Variants in DNAJC15 observed in about 807,000 individuals in gnomAD.
DNAJC15 encodes dnaJ homolog subfamily C member 15.
A neutral mutation model predicts 22.4 loss-of-function variants in DNAJC15; 27 were observed. That is an observed-to-expected ratio of 1.20 (90% CI 0.89 to 1.66). DNAJC15 has a LOEUF of 1.66. DNAJC15 is among the 40% of genes most tolerant of loss of function. DNAJC15 has a pLI of 0.00. For missense variants in DNAJC15, 208 were observed against 187.1 expected (o/e 1.11, Z -0.65); for synonymous variants, 79 against 63.2 (o/e 1.25, Z -1.19).
intron 5 of DNAJC15, among the ~76,000 whole-genome samples, chr13:43,093,326 C>T (rs190377261): frequency 2.2e-4 from 34 of 151,902 alleles, no homozygotes; most frequent in Non-Finnish European, 3.1e-4. Context: ...TGTCTCAGAC[C>T]GAAAAAGACT....
In DNAJC15 at chr13:43,108,440, T is replaced by G. The variant is rs371692424; in HGVS notation, c.*1192T>G. 1 of 152,216 alleles carries G rather than the reference T, an allele frequency of 6.6e-6. No individual in the cohort carries two copies. Among genetic ancestry groups the G allele is most frequent in the Non-Finnish European group, 1.5e-5 (1 of 68,022 alleles). The allele number at this position is 152,216 out of a possible 1,614,324, so 9.4% of individuals were successfully genotyped here. On this transcript the variant is annotated 3_prime_UTR_variant, in exon 6 of 6. Coordinates refer to ENST00000379221, the MANE Select transcript of DNAJC15 (RefSeq NM_013238.3). ...CTATTCCAAAGGTGAGAGAACAGAT[T>G]CAGATAGAGTGCCAGCATTGTTTCC...
intron 1 of DNAJC15, among the ~76,000 whole-genome samples, chr13:43,043,347 G>C (rs906428659): frequency 1.3e-5 from 2 of 152,096 alleles, no homozygotes; most frequent in African/African-American, 4.8e-5. Context: ...ACTCTCAGTT[G>C]ATCTACCCGC....
chr13:43,079,190 A>G (rs902913578), intron 4 of DNAJC15, among the ~76,000 whole-genome samples: 4 of 152,162 alleles, frequency 2.6e-5, no homozygotes, highest in African/African-American at 9.7e-5. Context: ...ATATCATTTA[A>G]CATTTAATGT....
chr13:43,046,401 A>G (rs1273636495), intron 1 of DNAJC15, among the ~76,000 whole-genome samples: 8 of 146,732 alleles, frequency 5.5e-5, no homozygotes, highest in African/African-American at 2.0e-4. Flanking sequence ...GGTGGTGGTG[A>G]GAGACAGGAC....
intron 1 of DNAJC15, among the ~76,000 whole-genome samples, chr13:43,062,463 A>T (rs1298702185): frequency 1.3e-5 from 2 of 152,242 alleles, no homozygotes; most frequent in African/African-American, 4.8e-5. Context: ...AAAACTAGAA[A>T]ATGGGTCTAG....
At chr13:43,038,151 C>G (rs893011543) in intron 1 of DNAJC15, among the ~76,000 whole-genome samples, 3 of 151,996 alleles carry the variant, frequency 2.0e-5, no homozygotes, top group African/African-American at 7.2e-5. Flanking sequence ...TTATTTTCTT[C>G]GGATAAATTT....
chr13:43,055,484 C>G (rs2040526118), intron 1 of DNAJC15, among the ~76,000 whole-genome samples: 1 of 152,168 alleles, frequency 6.6e-6, no homozygotes, highest in South Asian at 2.1e-4. Context: ...AAACTCAAGT[C>G]TGTGTGTGTA....
At chr13:43,106,732 A>G (rs1220576177) in intron 5 of DNAJC15, among the ~76,000 whole-genome samples, 1 of 151,936 alleles carries the variant, frequency 6.6e-6, no homozygotes, top group Non-Finnish European at 1.5e-5. Context: ...TTAATACTTT[A>G]AAAGACCCCT....
chr13:43,040,285 C>A (rs777448364), intron 1 of DNAJC15, among the ~76,000 whole-genome samples: 1 of 152,174 alleles, frequency 6.6e-6, no homozygotes, highest in Non-Finnish European at 1.5e-5. Context: ...CTAACAAATT[C>A]GTTTCAAATG....
intron 3 of DNAJC15, among the ~76,000 whole-genome samples, chr13:43,077,579 T>G (rs1593323957): frequency 6.6e-6 from 1 of 152,150 alleles, no homozygotes; most frequent in Non-Finnish European, 1.5e-5. Flanking sequence ...CTATCCCATG[T>G]CAACCAGTCA....
chr13:43,042,206 A>G (rs1439985292), intron 1 of DNAJC15, among the ~76,000 whole-genome samples: 2 of 152,186 alleles, frequency 1.3e-5, no homozygotes, highest in East Asian at 1.9e-4. Flanking sequence ...ATACATAATT[A>G]TGATAAAGTT....
In DNAJC15 at chr13:43,107,223, T is replaced by A; in HGVS notation, c.428T>A (p.Leu143Ter). 1 of 1,594,018 alleles carries A rather than the reference T, an allele frequency of 6.3e-7. No individual in the cohort carries two copies. The highest frequency in any genetic ancestry group is 8.5e-7 in the Non-Finnish European group (1 of 1,171,878). The change falls in exon 6 of 6, where the codon TTG (leucine) becomes TAG (stop). Residue 143 changes from leucine (L) to a stop codon, truncating the protein, a stop_gained. Transcript: ENST00000379221. LOFTEE classifies it high-confidence loss of function. ...GCCAAAATAAATGAAGCAAAAGACT[T>A]GCTAGAAACAACCACCAAACATTGA... is the stretch of plus-strand genomic sequence containing the variant. ...VAAKINEAKD[L>*]LETTTKH is the part of the protein sequence containing the mutation.
At chr13:43,092,858 G>A (rs1438138884) in intron 5 of DNAJC15, among the ~76,000 whole-genome samples, 2 of 152,164 alleles carry the variant, frequency 1.3e-5, no homozygotes, top group Non-Finnish European at 2.9e-5. Context: ...AGGCTACGGT[G>A]AGCTATGATC....
intron 5 of DNAJC15, among the ~76,000 whole-genome samples, chr13:43,100,775 T>G (rs9594885): frequency 0.25 from 37,385 of 152,110 alleles, 4,947 homozygotes; most frequent in Non-Finnish European, 0.31. Context: ...TATGTGTTAG[T>G]TCTTGTTAGT....
At chr13:43,041,246 A>G (rs1382758288) in intron 1 of DNAJC15, among the ~76,000 whole-genome samples, 1 of 152,164 alleles carries the variant, frequency 6.6e-6, no homozygotes, top group Non-Finnish European at 1.5e-5. Flanking sequence ...GGGAGTGGTG[A>G]TGACTCTTAA....
chr13:43,066,338 CAG>C (rs967632539), intron 2 of DNAJC15, among the ~76,000 whole-genome samples: 2 of 152,004 alleles, frequency 1.3e-5, no homozygotes, highest in Admixed American at 6.5e-5. Context: ...TCCTGGCCTA[CAG>C]AGTTTGCCTT....
chr13:43,063,266 T>C (rs1243297435), intron 1 of DNAJC15, among the ~76,000 whole-genome samples: 1 of 152,250 alleles, frequency 6.6e-6, no homozygotes, highest in Non-Finnish European at 1.5e-5. Flanking sequence ...CGTCTTGGCC[T>C]CCCAAAGTGT....
In DNAJC15 at chr13:43,023,818, C is replaced by T; in HGVS notation, c.108+84C>T. On this transcript the variant is annotated intron_variant, in intron 1 of 5. Transcript: ENST00000379221. ...CCCCTCTACCGCCTCACCCTTGAAC[C>T]TTTGTACTCCCCCGCATTCGCTCAC... 3 of 1,251,524 alleles carry T rather than the reference C, an allele frequency of 2.4e-6. No individual in the cohort carries two copies. The South Asian group carries it at 4.0e-5, about 17-fold the overall frequency. 77.5% of individuals were successfully genotyped at this position (1,251,524 alleles called of 1,614,324 possible). A position where few individuals can be genotyped will look rare whatever the true frequency, so the allele number is the denominator to read the frequency against.
At chr13:43,058,936 C>T (rs79027558) in intron 1 of DNAJC15, among the ~76,000 whole-genome samples, 2,015 of 152,318 alleles carry the variant, frequency 0.013, 21 homozygotes, top group Non-Finnish European at 0.019. Context: ...GCAGACTCCC[C>T]CTCTCACACT....
Sources: gnomAD v4.1 joint callset for allele counts (sites outside exome capture counted in the v4.1 genomes callset) on GRCh38, gnomAD v4.1.1 for gene constraint, MANE v1.5 for transcripts, NCBI Gene and HGNC (gene_info 2026-07-23, HGNC 2026-07-21) for gene names.